RAB3C: variants seen among roughly 807,000 people sequenced by gnomAD.
RAB3C encodes the protein RAB3C, member RAS oncogene family, also known as ras-related protein Rab-3C.
RAB3C carries 17 observed loss-of-function variants against 26.4 expected under a neutral mutation model. The observed-to-expected ratio is 0.64, with a 90% confidence interval of 0.44 to 0.97. The LOEUF is 0.97. RAB3C is among the 50% of genes least tolerant of loss of function. RAB3C has a pLI of 0.00. For missense variants in RAB3C, 242 were observed against 281.9 expected, an observed-to-expected ratio of 0.86 and a Z score of 1.01; for synonymous variants, 91 against 95.9, an observed-to-expected ratio of 0.95 and a Z score of 0.30.
In RAB3C at chr5:58,848,113, C is replaced by A. The variant is rs530450088; in HGVS notation, c.497-3051C>A. Among the ~76,000 whole-genome samples, 227 of 152,298 alleles carry A rather than the reference C, an allele frequency of 1.5e-3. 1 individual carries two copies. Among genetic ancestry groups the A allele is most frequent in the South Asian group, 7.7e-3 (37 of 4,824 alleles). On this transcript the variant is annotated intron_variant, in intron 4 of 4. Transcript: ENST00000282878. ...CTCGGTGATCCACCTGCCTCAGCCT[C>A]CAAAAGTGCTGGGATTACAGGCATG...
chr5:58,765,971 G>T (rs557960093), intron 3 of RAB3C, among the ~76,000 whole-genome samples: 1 of 152,128 alleles, frequency 6.6e-6, no homozygotes, highest in South Asian at 2.1e-4. Flanking sequence ...TCCTGCTCCG[G>T]CCACGTAAGA....
At chr5:58,824,850 C>T (rs1743436997) in intron 3 of RAB3C, among the ~76,000 whole-genome samples, 188 bp from the exon 4 acceptor site, 1 of 152,070 alleles carries the variant, frequency 6.6e-6, no homozygotes, top group South Asian at 2.1e-4. Flanking sequence ...TTGACTCATG[C>T]AATCTCTGAT....
chr5:58,617,708 G>T lies in RAB3C; in HGVS notation c.90G>T (p.Met30Ile). The T allele has an allele frequency of 6.2e-7, 1 of 1,613,962 alleles. No homozygotes were observed. The highest frequency in any genetic ancestry group is 8.5e-7 in the Non-Finnish European group (1 of 1,179,914). ...CCTCTGATCAGAACTTTGACTACATGTTCAAATTACTCATCATCGGCAATA... is the reference window on the plus strand; with the variant it reads ...CCTCTGATCAGAACTTTGACTACATTTTCAAATTACTCATCATCGGCAATA... ...KDSSDQNFDY[M>I]FKLLIIGNSS... is the part of the protein sequence containing the mutation. Residue 30 changes from methionine to isoleucine, a missense_variant, in exon 2 of 5, where the codon ATG becomes ATT. By Grantham distance (10) the Met-to-Ile change is conservative. Transcript: ENST00000282878.
intron 2 of RAB3C, among the ~76,000 whole-genome samples, chr5:58,724,978 A>T (rs1740856614): frequency 1.3e-5 from 2 of 151,906 alleles, no homozygotes. Context: ...GGGGATTGCC[A>T]CCACAATTGT....
chr5:58,827,523 GA>G (rs1441798769), intron 4 of RAB3C, among the ~76,000 whole-genome samples: 4 of 152,290 alleles, frequency 2.6e-5, no homozygotes, highest in African/African-American at 9.6e-5. Flanking sequence ...TAGGATGATG[GA>G]AATGCATCAA....
chr5:58,628,556 T>C (rs112269497), intron 2 of RAB3C, among the ~76,000 whole-genome samples: 2,034 of 152,306 alleles, frequency 0.013, 22 homozygotes, highest in Middle Eastern at 0.034. Flanking sequence ...ACAGATGCCT[T>C]GGACCTCTCA....
intron 1 of RAB3C, among the ~76,000 whole-genome samples, chr5:58,586,147 G>GTA (rs1219094456): frequency 6.6e-6 from 1 of 151,860 alleles, no homozygotes; most frequent in Admixed American, 6.6e-5. Flanking sequence ...ATTTTTATAT[G>GTA]TATATATACT....
At chr5:58,603,634 GGT>G (rs1746501530) in intron 1 of RAB3C, among the ~76,000 whole-genome samples, 1 of 152,034 alleles carries the variant, frequency 6.6e-6, no homozygotes, top group African/African-American at 2.4e-5. Flanking sequence ...CATTTCTAAA[GGT>G]GTGTCCAAAG....
chr5:58,799,543 G>A (rs1008653892), intron 3 of RAB3C, among the ~76,000 whole-genome samples: 3 of 152,074 alleles, frequency 2.0e-5, no homozygotes, highest in Non-Finnish European at 4.4e-5. Flanking sequence ...CACAATCAAC[G>A]TGAAATGGTC....
chr5:58,749,914 C>A (rs555504687), intron 3 of RAB3C, among the ~76,000 whole-genome samples: 5 of 152,134 alleles, frequency 3.3e-5, no homozygotes, highest in Admixed American at 1.3e-4. Context: ...ATTCTTTAGT[C>A]TATCCAGAAT....
chr5:58,592,662 TTTTTGAATAAGAG>T (rs1746159797), intron 1 of RAB3C, among the ~76,000 whole-genome samples: 1 of 152,138 alleles, frequency 6.6e-6, no homozygotes, highest in Admixed American at 6.5e-5. Flanking sequence ...TTTGCCTTCA[TTTTTGAATAAGAG>T]TTTTGCCTGC....
At chr5:58,802,276 T>C (rs1056447952) in intron 3 of RAB3C, among the ~76,000 whole-genome samples, 5 of 152,200 alleles carry the variant, frequency 3.3e-5, no homozygotes. Flanking sequence ...GGAACTGGTA[T>C]TCCTGGCTGG....
At chr5:58,841,804 A>G (rs148636804) in intron 4 of RAB3C, among the ~76,000 whole-genome samples, 119 of 152,274 alleles carry the variant, frequency 7.8e-4, no homozygotes, top group Admixed American at 2.3e-3. Context: ...GGGTGCTTCT[A>G]CACAGCCCTA....
At chr5:58,845,335 G>A (rs1743964412) in intron 4 of RAB3C, among the ~76,000 whole-genome samples, 1 of 152,040 alleles carries the variant, frequency 6.6e-6, no homozygotes, top group Non-Finnish European at 1.5e-5. Flanking sequence ...GGAAGTGTGG[G>A]TTCATGTTCT....
rs117810527 is a variant in RAB3C at position 58,857,430 on chromosome 5, T to G, written c.*6079T>G. ...AGCATCTCCTTCTATAACTCAAAAT[T>G]TTCTTTAAGTGTCATATAAAAGTGT... is the stretch of plus-strand genomic sequence containing the variant. On this transcript the variant is annotated 3_prime_UTR_variant, in exon 5 of 5. Coordinates refer to ENST00000282878, the MANE Select transcript of RAB3C (RefSeq NM_138453.4). 78 of 152,266 alleles carry G rather than the reference T, an allele frequency of 5.1e-4. 1 individual carries two copies. The East Asian group carries it at 0.014, about 27-fold the overall frequency. The allele number at this position is 152,266 out of a possible 1,614,324, so 9.4% of individuals were successfully genotyped here. A position where few individuals can be genotyped will look rare whatever the true frequency, so the allele number is the denominator to read the frequency against.
At chr5:58,826,676 ACT>A (rs1743489208) in intron 4 of RAB3C, among the ~76,000 whole-genome samples, 2 of 152,136 alleles carry the variant, frequency 1.3e-5, no homozygotes. Context: ...GATGAGATTC[ACT>A]CTGTTTTCTG....
chr5:58,835,519 T>A (rs796587731), intron 4 of RAB3C, among the ~76,000 whole-genome samples: 1 of 152,202 alleles, frequency 6.6e-6, no homozygotes. Flanking sequence ...TCCTGTCCCA[T>A]CTCGACAGAC....
intron 2 of RAB3C, among the ~76,000 whole-genome samples, chr5:58,665,383 C>T (rs775731068): frequency 2.0e-5 from 3 of 152,000 alleles, no homozygotes; most frequent in Admixed American, 6.6e-5. Flanking sequence ...AAATGTTTTG[C>T]GTGCAAATTT....
intron 2 of RAB3C, among the ~76,000 whole-genome samples, chr5:58,693,342 A>ATATATATATG (rs1554048071): frequency 7.3e-6 from 1 of 137,664 alleles, no homozygotes; most frequent in African/African-American, 3.0e-5. Flanking sequence ...ATGTGTATAT[A>ATATATATATG]TATATATATA....
Sources: allele counts gnomAD v4.1 joint callset (sites outside exome capture counted in the v4.1 genomes callset), GRCh38; gene constraint gnomAD v4.1.1; transcripts MANE v1.5; gene names NCBI Gene and HGNC (gene_info 2026-07-23, HGNC 2026-07-21).